HACD4: variants seen among roughly 807,000 people sequenced by gnomAD.
HACD4 encodes the protein 3-hydroxyacyl-CoA dehydratase 4, also known as very-long-chain (3R)-3-hydroxyacyl-CoA dehydratase 4.
In HACD4, 35 loss-of-function variants were observed where a neutral mutation model predicts 33.3. The ratio of observed to expected loss-of-function variants is 1.05; its 90% confidence interval spans 0.80 to 1.39. The LOEUF (loss-of-function observed/expected upper bound fraction) is 1.39. Ranked by LOEUF, HACD4 falls within the 40% of genes most tolerant of loss-of-function variation. The pLI is 0.00. For missense variants in HACD4, 323 were observed against 276.5 expected (o/e 1.17, Z -1.19); for synonymous variants, 118 against 98.0 (o/e 1.20, Z -1.21).
chr9:21,024,628 AC>A (rs1310815592), intron 3 of HACD4, among the ~76,000 whole-genome samples: 1 of 152,242 alleles, frequency 6.6e-6, no homozygotes, highest in Non-Finnish European at 1.5e-5. Context: ...TTTGTAAAGC[AC>A]ATATGTGCAC....
chr9:21,025,539 T>C (rs1198838589), intron 3 of HACD4, among the ~76,000 whole-genome samples: 1 of 152,216 alleles, frequency 6.6e-6, no homozygotes, highest in Non-Finnish European at 1.5e-5. Context: ...ATTATACTCA[T>C]GTAGATACCT....
chr9:21,028,170 AAAAG>A (rs1370409513), intron 2 of HACD4, among the ~76,000 whole-genome samples: 114 of 151,838 alleles, frequency 7.5e-4, no homozygotes, highest in African/African-American at 2.3e-3. Flanking sequence ...AAAAGAAAAA[AAAAG>A]AAAGAAAAGA....
rs534216597 is a variant in HACD4 at position 21,009,027 on chromosome 9, T to A, written c.491-881A>T. Among the ~76,000 whole-genome samples, 9 of 152,276 alleles carry A rather than the reference T, an allele frequency of 5.9e-5. No individual in the cohort carries two copies. The East Asian group carries it at 1.7e-3, about 29-fold the overall frequency. ...TGACACCAAATATGCAGTTTAAGGT[T>A]AACACAGGCCGCACCTATGTCTCTA... On this transcript the variant is annotated intron_variant, in intron 5 of 6. Transcript: ENST00000495827.
In HACD4 at chr9:21,002,013, T is replaced by C. The variant is rs1047663330; in HGVS notation, c.*5024A>G. 1 of 152,168 alleles carries C rather than the reference T, an allele frequency of 6.6e-6. No individual in the cohort carries two copies. Among genetic ancestry groups the C allele is most frequent in the Admixed American group, 6.6e-5 (1 of 15,264 alleles). 9.4% of individuals were successfully genotyped at this position (152,168 alleles called of 1,614,324 possible). A position where few individuals can be genotyped will look rare whatever the true frequency, so the allele number is the denominator to read the frequency against. On this transcript the variant is annotated 3_prime_UTR_variant, in exon 7 of 7. Coordinates refer to ENST00000495827, the MANE Select transcript of HACD4 (RefSeq NM_001010915.5). Reference sequence around the variant, plus strand: ...TAACAATGGTTTGTAACTCCACTTTTTGTTTTCTACATAGAGACTACTGCA... The same window carrying C: ...TAACAATGGTTTGTAACTCCACTTTCTGTTTTCTACATAGAGACTACTGCA...
intron 3 of HACD4, among the ~76,000 whole-genome samples, chr9:21,022,148 A>T (rs1164506509): frequency 6.6e-6 from 1 of 152,248 alleles, no homozygotes; most frequent in Non-Finnish European, 1.5e-5. Context: ...CCTATTTAAT[A>T]AATGGTGCTA....
intron 3 of HACD4, among the ~76,000 whole-genome samples, chr9:21,025,456 C>T (rs1300801911): frequency 6.6e-6 from 1 of 152,110 alleles, no homozygotes; most frequent in Non-Finnish European, 1.5e-5. Flanking sequence ...AAAATTCTGA[C>T]ATTTTCATTA....
chr9:21,028,666 C>T (rs765276547), intron 2 of HACD4, among the ~76,000 whole-genome samples: 2 of 152,162 alleles, frequency 1.3e-5, no homozygotes, highest in South Asian at 4.1e-4. Flanking sequence ...CACTTACCCA[C>T]GTGCGGATGG....
chr9:21,007,046 CTT>C lies in HACD4; in HGVS notation c.688_689del (p.Lys230GlufsTer10). On this transcript the variant is annotated frameshift_variant, in exon 7 of 7. Transcript: ENST00000495827. LOFTEE classifies it high-confidence loss of function. Reference sequence around the variant, plus strand: ...ACTGGAATGCTGTACTTCACATCTTCTTTTTTTTAATGGGAAAGATTCCGAGG... The same window carrying C: ...ACTGGAATGCTGTACTTCACATCTTCTTTTTTAATGGGAAAGATTCCGAGG... The part of the protein sequence containing the change: ...DILGIFPIKK[K>X]KM 1 of 1,554,582 alleles carries C rather than the reference CTT, an allele frequency of 6.4e-7. No individual in the cohort carries two copies. The highest frequency in any genetic ancestry group is 8.9e-7 in the Non-Finnish European group (1 of 1,127,184).
At position 21,023,612 on chromosome 9, in the gene HACD4, T is replaced by C. The variant is rs558520918; in HGVS notation, c.270+2984A>G. Among the ~76,000 whole-genome samples the C allele has an allele frequency of 2.8e-3, 410 of 148,838 alleles. 2 individuals are homozygous for C. Among genetic ancestry groups the C allele is most frequent in the Non-Finnish European group, 4.0e-3 (273 of 67,514 alleles). On this transcript the variant is annotated intron_variant, in intron 3 of 6. Transcript: ENST00000495827. ...TTTTTTGAGACGGAGTCTTGCTCCG[T>C]CACCCAGGCTGGAGTGCAGTGGCCT...
chr9:21,008,212 G>A, intron 5 of HACD4, 66 bp from the exon 6 acceptor site: 3 of 1,288,600 alleles, frequency 2.3e-6, no homozygotes, highest in Non-Finnish European at 3.1e-6. Context: ...GTGTATATAT[G>A]TCTTCATAGT....
rs1180193785 is a variant in HACD4 at position 21,001,291 on chromosome 9, T to C, written c.*5746A>G. The C allele has an allele frequency of 6.6e-6, 1 of 151,878 alleles. No individual in the cohort carries two copies. The highest frequency in any genetic ancestry group is 1.5e-5 in the Non-Finnish European group (1 of 67,928). The allele number at this position is 151,878 out of a possible 1,614,324, so 9.4% of individuals were successfully genotyped here. A position where few individuals can be genotyped will look rare whatever the true frequency, so the allele number is the denominator to read the frequency against. On this transcript the variant is annotated 3_prime_UTR_variant, in exon 7 of 7. Transcript: ENST00000495827. ...ATTCAAGAGCTGGAAAGTACGATAA[T>C]TGAAATGAAAAACTCACTAGAGGTA...
At chr9:21,019,824 T>G (rs1043142151) in intron 3 of HACD4, among the ~76,000 whole-genome samples, 2 of 151,828 alleles carry the variant, frequency 1.3e-5, no homozygotes, top group African/African-American at 4.8e-5. Context: ...TATTCCAAGC[T>G]CAAAACTGGT....
intron 5 of HACD4, among the ~76,000 whole-genome samples, chr9:21,008,573 C>G (rs912362935): frequency 6.6e-6 from 1 of 152,052 alleles, no homozygotes; most frequent in Non-Finnish European, 1.5e-5. Flanking sequence ...TAAAAAAATA[C>G]CACCTAGCCT....
At chr9:21,023,154 T>C (rs1817966947) in intron 3 of HACD4, among the ~76,000 whole-genome samples, 1 of 132,206 alleles carries the variant, frequency 7.6e-6, no homozygotes, top group African/African-American at 2.9e-5. Flanking sequence ...CCCTCACAGG[T>C]GGGAACTGAA....
chr9:21,017,145 G>C (rs1374296789), intron 3 of HACD4, among the ~76,000 whole-genome samples: 1 of 152,048 alleles, frequency 6.6e-6, no homozygotes, highest in African/African-American at 2.4e-5. Context: ...TTTAAAAGTG[G>C]ATCAAGGAGA....
intron 5 of HACD4, 36 bp downstream of exon 5, chr9:21,011,553 G>T: frequency 2.4e-6 from 3 of 1,266,702 alleles, no homozygotes; most frequent in African/African-American, 1.5e-5. Flanking sequence ...GATGGCTTTT[G>T]TCAGTAAGCA....
At chr9:21,011,515 C>T (rs1842435224) in intron 5 of HACD4, 74 bp downstream of exon 5, 1 of 882,196 alleles carries the variant, frequency 1.1e-6, no homozygotes, top group Non-Finnish European at 1.9e-6. Context: ...ATTTAATCAT[C>T]AAAAAATTTA....
chr9:21,013,098 G>A (rs1235347576), intron 4 of HACD4, among the ~76,000 whole-genome samples: 1 of 148,440 alleles, frequency 6.7e-6, no homozygotes, highest in African/African-American at 2.5e-5. Context: ...AGCCACTTTT[G>A]ATGAAGTCCA....
In HACD4 at chr9:21,015,209, G is replaced by C. The variant is rs564379751; in HGVS notation, c.383+689C>G. Reference sequence around the variant, plus strand: ...TGAAAAAATTTACATACCCTTGGCTGAAAAACAAACTAGGGCTCTTTTGTT... The same window carrying C: ...TGAAAAAATTTACATACCCTTGGCTCAAAAACAAACTAGGGCTCTTTTGTT... On this transcript the variant is annotated intron_variant, in intron 4 of 6. Coordinates refer to ENST00000495827, the MANE Select transcript of HACD4 (RefSeq NM_001010915.5). 2.0e-5 allele frequency: 3 copies of C among 152,186 alleles called. No homozygotes were observed. The South Asian group carries it at 6.2e-4, about 32-fold the overall frequency. 9.4% of individuals were successfully genotyped at this position (152,186 alleles called of 1,614,324 possible).
Sources: gnomAD v4.1 joint callset for allele counts (sites outside exome capture counted in the v4.1 genomes callset) on GRCh38, gnomAD v4.1.1 for gene constraint, MANE v1.5 for transcripts, NCBI Gene and HGNC (gene_info 2026-07-23, HGNC 2026-07-21) for gene names.